MTERF4: variants seen among roughly 807,000 people sequenced by gnomAD.
The protein encoded by MTERF4 is mitochondrial transcription termination factor 4.
A neutral mutation model predicts 22.5 loss-of-function variants in MTERF4; 17 were observed. The observed-to-expected ratio is 0.75, with a 90% CI of 0.52 to 1.13. The LOEUF is 1.13. Ranked by LOEUF, MTERF4 falls within the 50% of genes most tolerant of loss-of-function variation. The pLI is 0.00. For synonymous variants in MTERF4, 165 were observed against 175.3 expected (o/e 0.94, Z 0.47); for missense variants, 420 against 466.8 (o/e 0.90, Z 0.92).
intron 1 of MTERF4, 88 bp downstream of exon 1, chr2:241,102,165 C>G: frequency 6.5e-7 from 1 of 1,536,552 alleles, no homozygotes; most frequent in Non-Finnish European, 8.8e-7. Context: ...ACGACCTGGC[C>G]GTGAAACACT....
chr2:241,047,639 G>GA, the MTERF4 span, among the ~76,000 whole-genome samples: 1 of 152,252 alleles, frequency 6.6e-6, no homozygotes, highest in African/African-American at 2.4e-5. Flanking sequence ...AAGATATCTG[G>GA]AAAATCCCAA....
chr2:241,097,777 G>T lies in MTERF4; in HGVS notation c.521-350C>A, dbSNP rs146111216. On this transcript the variant is annotated intron_variant, in intron 2 of 3. Coordinates refer to ENST00000391980, the MANE Select transcript of MTERF4 (RefSeq NM_182501.4). ...TACTGGAAAGATCAGAGAGTAATATGGGAGAGTAGTTTCCTCCATATTGCT... is the reference window on the plus strand; with the variant it reads ...TACTGGAAAGATCAGAGAGTAATATTGGAGAGTAGTTTCCTCCATATTGCT... Among the ~76,000 whole-genome samples, 310 of 152,296 alleles carry T rather than the reference G, an allele frequency of 2.0e-3. 4 individuals carry two copies. Among genetic ancestry groups the T allele is most frequent in the African/African-American group, 7.1e-3 (294 of 41,560 alleles).
downstream of MTERF4, chr2:241,082,344 G>T (rs1457983863): frequency 5.6e-6 from 9 of 1,613,362 alleles, no homozygotes; most frequent in Non-Finnish European, 7.6e-6. Context: ...CAGTCTGGGA[G>T]GGAGGCGTCT....
chr2:241,048,214 C>T, the MTERF4 span: 9 of 1,353,818 alleles, frequency 6.6e-6, no homozygotes, highest in Non-Finnish European at 8.8e-6. Context: ...TTGGGAATGA[C>T]AACAGAGGTG....
At chr2:241,091,118 C>T (rs1488366049), downstream of MTERF4, among the ~76,000 whole-genome samples, 1 of 151,254 alleles carries the variant, frequency 6.6e-6, no homozygotes, top group Non-Finnish European at 1.5e-5. This position sits in a 1 kb window ranked among gnomAD's most constrained non-coding sequence, Gnocchi z 4.1. Context: ...TCAGAAACCC[C>T]CAACTAATTA....
chr2:241,082,261 C>G (rs372888758), downstream of MTERF4: 1 of 1,591,568 alleles, frequency 6.3e-7, no homozygotes, highest in Non-Finnish European at 8.6e-7. Flanking sequence ...TGAGCCACTG[C>G]CCTTCTTTGT....
Position 241,096,559 on chromosome 2 carries a change from G to T in MTERF4, c.706-121C>A. On this transcript the variant is annotated intron_variant, in intron 3 of 3. Transcript: ENST00000391980. This position sits in a 1 kb window ranked among gnomAD's most constrained non-coding sequence, Gnocchi z 5.1. Reference sequence around the variant, plus strand: ...AAAAAGAATTGCCTAATTGACAACAGCGAATACCCAGTCTAGGATACTGAC... The same window carrying T: ...AAAAAGAATTGCCTAATTGACAACATCGAATACCCAGTCTAGGATACTGAC... 1 of 1,039,252 alleles carries T rather than the reference G, an allele frequency of 9.6e-7. No individual in the cohort carries two copies. The highest frequency in any genetic ancestry group is 1.5e-6 in the Non-Finnish European group (1 of 668,364). The allele number at this position is 1,039,252 out of a possible 1,614,324, so 64.4% of individuals were successfully genotyped here. A position where few individuals can be genotyped will look rare whatever the true frequency, so the allele number is the denominator to read the frequency against.
At chr2:241,081,832 C>T (rs763322016) in intron 4 of MTERF4, 1 of 1,433,918 alleles carries the variant, frequency 7.0e-7, no homozygotes, top group Admixed American at 2.0e-5. Flanking sequence ...CCTTCCAACA[C>T]AGCCTGTGCC....
chr2:241,067,206 G>A (rs918656109), downstream of MTERF4, among the ~76,000 whole-genome samples: 7 of 152,194 alleles, frequency 4.6e-5, no homozygotes, highest in South Asian at 2.1e-4. Context: ...CTGAGTTGCC[G>A]GGAGCTGAGC....
chr2:241,045,879 C>T, the MTERF4 span, among the ~76,000 whole-genome samples: 7 of 152,064 alleles, frequency 4.6e-5, no homozygotes, highest in Admixed American at 2.0e-4. Flanking sequence ...AGCTACAGAC[C>T]AGGAGAAAAC....
chr2:241,048,563 T>G, the MTERF4 span: 1 of 1,496,372 alleles, frequency 6.7e-7, no homozygotes, highest in East Asian at 2.4e-5. Flanking sequence ...TCCACTGCAA[T>G]TTGTATGGGA....
downstream of MTERF4, chr2:241,094,301 A>G (rs1277110867): frequency 6.4e-6 from 3 of 469,454 alleles, no homozygotes; most frequent in African/African-American, 6.0e-5. The surrounding 1 kb of genome is among the most constrained non-coding windows in gnomAD (Gnocchi z 4.3). Context: ...CTTAGCAGGA[A>G]CTCCTTCCAC....
chr2:241,082,179 A>G (rs1357890993), downstream of MTERF4: 3 of 932,240 alleles, frequency 3.2e-6, no homozygotes, highest in East Asian at 2.4e-5. Flanking sequence ...AAGCCAGCCT[A>G]AGGACCCCCG....
chr2:241,080,529 C>T (rs2063279640), intron 4 of MTERF4, among the ~76,000 whole-genome samples: 1 of 152,070 alleles, frequency 6.6e-6, no homozygotes, highest in Admixed American at 6.6e-5. Context: ...AAGACTGAAG[C>T]AGGATGTGGA....
downstream of MTERF4, among the ~76,000 whole-genome samples, chr2:241,068,193 G>A (rs1405722190): frequency 6.6e-6 from 1 of 152,172 alleles, no homozygotes; most frequent in Non-Finnish European, 1.5e-5. The surrounding 1 kb of genome is among the most constrained non-coding windows in gnomAD (Gnocchi z 5.3). Context: ...TCCAAAAAGA[G>A]CAGGAAAAGC....
downstream of MTERF4, chr2:241,088,682 G>A (rs1575145546): frequency 1.8e-5 from 8 of 453,638 alleles, no homozygotes; most frequent in East Asian, 2.9e-4. Flanking sequence ...CAAGGGAAAT[G>A]TGGCCAAGAA....
downstream of MTERF4, chr2:241,068,959 T>A: frequency 6.4e-7 from 1 of 1,556,472 alleles, no homozygotes. This position sits in a 1 kb window ranked among gnomAD's most constrained non-coding sequence, Gnocchi z 5.3. Flanking sequence ...CCACCCTCAG[T>A]GGGCTCAGGG....
downstream of MTERF4, chr2:241,068,024 G>C (rs563204287): frequency 8.9e-6 from 12 of 1,354,382 alleles, no homozygotes; most frequent in Non-Finnish European, 1.1e-5. The surrounding 1 kb of genome is among the most constrained non-coding windows in gnomAD (Gnocchi z 5.3). Context: ...CCCAGGTCTC[G>C]GGCACATTCT....
the MTERF4 span, chr2:241,053,299 G>A: frequency 6.3e-7 from 1 of 1,593,310 alleles, no homozygotes; most frequent in Non-Finnish European, 8.6e-7. Context: ...GCCACACGGT[G>A]TCTGGAGTGA....
Sources: allele counts gnomAD v4.1 joint callset (sites outside exome capture counted in the v4.1 genomes callset), GRCh38; gene constraint gnomAD v4.1.1; non-coding constraint Gnocchi (gnomAD v3.1); transcripts MANE v1.5; gene names NCBI Gene and HGNC (gene_info 2026-07-23, HGNC 2026-07-21).